Variants in PCDHA13 observed in about 807,000 individuals in gnomAD.
PCDHA13 encodes the protein protocadherin alpha-13.
In PCDHA13, 54 loss-of-function variants were observed where a neutral mutation model predicts 64.8. The observed-to-expected ratio is 0.83, with a 90% CI of 0.67 to 1.04. PCDHA13 has a LOEUF of 1.04. Ranked by LOEUF, PCDHA13 falls within the 50% of genes least tolerant of loss-of-function variation. The pLI is 0.00. For missense variants in PCDHA13, 1,248 were observed against 1,254.3 expected (o/e 0.99, Z 0.08); for synonymous variants, 587 against 564.4 (o/e 1.04, Z -0.57).
intron 1 of PCDHA13, among the ~76,000 whole-genome samples, chr5:140,946,434 T>C (rs1554217579): frequency 2.0e-5 from 3 of 151,312 alleles, no homozygotes; most frequent in South Asian, 2.1e-4. Context: ...TACTCAAAAA[T>C]TGAGACTAAA....
chr5:140,985,063 G>C (rs2097134230), intron 3 of PCDHA13, among the ~76,000 whole-genome samples: 1 of 151,948 alleles, frequency 6.6e-6, no homozygotes, highest in African/African-American at 2.4e-5. Flanking sequence ...TCAGCCTCCT[G>C]AGTAGCTGAG....
At chr5:140,929,293 A>G in intron 1 of PCDHA13, 1 of 1,594,458 alleles carries the variant, frequency 6.3e-7, no homozygotes, top group Non-Finnish European at 8.6e-7. Flanking sequence ...GATTCGGAAT[A>G]GGAAAGGGGA....
intron 1 of PCDHA13, chr5:140,927,606 C>T: frequency 6.2e-7 from 1 of 1,614,202 alleles, no homozygotes; most frequent in Non-Finnish European, 8.5e-7. Context: ...GCTCCGTATA[C>T]CGCACCAAGG....
intron 1 of PCDHA13, among the ~76,000 whole-genome samples, chr5:140,947,713 T>G (rs1252298380): frequency 6.6e-6 from 1 of 151,618 alleles, no homozygotes; most frequent in African/African-American, 2.4e-5. Flanking sequence ...AGTATTGAGG[T>G]TTCAAAAGTT....
At chr5:140,997,225 C>T (rs1554255781) in intron 3 of PCDHA13, among the ~76,000 whole-genome samples, 1 of 152,090 alleles carries the variant, frequency 6.6e-6, no homozygotes, top group African/African-American at 2.4e-5. Context: ...CTATCATTAC[C>T]ACCCAACTTC....
intron 1 of PCDHA13, among the ~76,000 whole-genome samples, chr5:140,923,640 T>G (rs2081459480): frequency 6.6e-6 from 1 of 152,234 alleles, no homozygotes; most frequent in African/African-American, 2.4e-5. Flanking sequence ...GCAAAAATCT[T>G]TAGCCTCCCT....
intron 1 of PCDHA13, among the ~76,000 whole-genome samples, chr5:140,955,134 C>T (rs868995724): frequency 3.3e-5 from 5 of 152,022 alleles, no homozygotes; most frequent in African/African-American, 1.2e-4. Context: ...CTGGTCTACA[C>T]GTCTGTTTTT....
chr5:140,919,038 C>A (rs2078983263), intron 1 of PCDHA13, among the ~76,000 whole-genome samples: 1 of 152,046 alleles, frequency 6.6e-6, no homozygotes, highest in Non-Finnish European at 1.5e-5. Context: ...TAGTTGTTGT[C>A]CATTATTGGA....
intron 1 of PCDHA13, chr5:140,929,724 TA>T (rs2086341478): frequency 4.6e-6 from 1 of 218,158 alleles, no homozygotes; most frequent in Admixed American, 5.9e-5. Flanking sequence ...GTGAAACATT[TA>T]CTTAAACTAT....
chr5:140,999,528 T>A (rs1414595805), intron 3 of PCDHA13, among the ~76,000 whole-genome samples: 1 of 152,080 alleles, frequency 6.6e-6, no homozygotes, highest in Non-Finnish European at 1.5e-5. Context: ...TGTTACCCCC[T>A]GGATATGACA....
intron 3 of PCDHA13, among the ~76,000 whole-genome samples, chr5:141,006,959 A>G (rs2098296620): frequency 6.6e-6 from 1 of 152,142 alleles, no homozygotes; most frequent in East Asian, 1.9e-4. Context: ...GTTATACATG[A>G]GATTGGAGCA....
chr5:140,922,093 C>T (rs1037802949), intron 1 of PCDHA13, among the ~76,000 whole-genome samples: 6 of 151,986 alleles, frequency 3.9e-5, no homozygotes, highest in Middle Eastern at 3.4e-3. Flanking sequence ...GTATTTCTAC[C>T]AACTATAGAT....
At chr5:140,910,525 C>T (rs531874263) in intron 1 of PCDHA13, among the ~76,000 whole-genome samples, 2 of 152,258 alleles carry the variant, frequency 1.3e-5, no homozygotes, top group African/African-American at 4.8e-5. Context: ...GCAGGTACTC[C>T]CCTCACAAAT....
intron 1 of PCDHA13, chr5:140,967,993 T>C (rs372478638): frequency 1.5e-5 from 24 of 1,614,206 alleles, no homozygotes; most frequent in Non-Finnish European, 1.2e-5. Flanking sequence ...CCACACTGCC[T>C]TTCCGACTGA....
intron 1 of PCDHA13, among the ~76,000 whole-genome samples, chr5:140,905,180 TAA>T (rs2071657008): frequency 6.6e-6 from 1 of 152,224 alleles, no homozygotes; most frequent in Non-Finnish European, 1.5e-5. Flanking sequence ...GTTTTAGATT[TAA>T]GTCTTTGATC....
chr5:140,927,247 G>A (rs782521189), intron 1 of PCDHA13: 7 of 1,613,978 alleles, frequency 4.3e-6, no homozygotes, highest in Middle Eastern at 3.3e-4. Flanking sequence ...GGACACCAAT[G>A]ACAACTCACC....
At chr5:140,946,540 T>G (rs1182532418) in intron 1 of PCDHA13, among the ~76,000 whole-genome samples, 1 of 150,344 alleles carries the variant, frequency 6.7e-6, no homozygotes, top group African/African-American at 2.5e-5. Context: ...CATTGCAGCA[T>G]TATTCATGAT....
At chr5:140,947,550 G>T (rs967081376) in intron 1 of PCDHA13, among the ~76,000 whole-genome samples, 1 of 151,402 alleles carries the variant, frequency 6.6e-6, no homozygotes, top group Non-Finnish European at 1.5e-5. Flanking sequence ...AAAGAATTCC[G>T]CTGGGATTTA....
At chr5:140,897,167 C>A (rs1271791310) in intron 1 of PCDHA13, among the ~76,000 whole-genome samples, 1 of 152,140 alleles carries the variant, frequency 6.6e-6, no homozygotes, top group Non-Finnish European at 1.5e-5. Flanking sequence ...TACTGTCTAT[C>A]TCCATGGGTT....
Sources: gnomAD v4.1 joint callset for allele counts (sites outside exome capture counted in the v4.1 genomes callset) on GRCh38, gnomAD v4.1.1 for gene constraint, MANE v1.5 for transcripts, NCBI Gene and HGNC (gene_info 2026-07-23, HGNC 2026-07-21) for gene names.